MSANTD3: variants seen among roughly 807,000 people sequenced by gnomAD.
MSANTD3 encodes the protein myb/SANT-like DNA-binding domain-containing protein 3.
In MSANTD3, 11 loss-of-function variants were observed where a neutral mutation model predicts 27.7. The ratio of observed to expected loss-of-function variants is 0.40; its 90% CI spans 0.25 to 0.66. The LOEUF (loss-of-function observed/expected upper bound fraction) is 0.66, where lower values mean the gene tolerates loss of function less well. MSANTD3 is among the 30% of genes least tolerant of loss of function. MSANTD3 has a pLI of 0.41. For missense variants in MSANTD3, 250 were observed against 336.5 expected (o/e 0.74, Z 2.01); for synonymous variants, 131 against 127.2 (o/e 1.03, Z -0.20).
chr9:100,430,325 A>G (rs1487758601), intron 1 of MSANTD3, among the ~76,000 whole-genome samples: 1 of 73,046 alleles, frequency 1.4e-5, no homozygotes, highest in Non-Finnish European at 2.8e-5. Context: ...ACTCTGTGTC[A>G]AAAAAAAAAA....
At chr9:100,434,989 A>ACG (rs1242007029) in intron 1 of MSANTD3, among the ~76,000 whole-genome samples, 12 of 151,784 alleles carry the variant, frequency 7.9e-5, no homozygotes, top group African/African-American at 2.7e-4. Context: ...ACACACACAC[A>ACG]CGTGCGCACA....
At chr9:100,450,416 C>A in intron 2 of MSANTD3, 141 bp from the exon 3 acceptor site, 1 of 683,034 alleles carries the variant, frequency 1.5e-6, no homozygotes, top group East Asian at 3.0e-5. Flanking sequence ...GGCTAGGGTC[C>A]CTGTAGACAT....
chr9:100,445,887 T>C (rs1489830238), intron 2 of MSANTD3, among the ~76,000 whole-genome samples: 1 of 152,216 alleles, frequency 6.6e-6, no homozygotes, highest in Non-Finnish European at 1.5e-5. Flanking sequence ...AATTTAAGTA[T>C]AACACTTAGG....
intron 1 of MSANTD3, among the ~76,000 whole-genome samples, chr9:100,430,668 G>C (rs895281294): frequency 2.0e-5 from 3 of 152,236 alleles, no homozygotes; most frequent in African/African-American, 7.2e-5. Flanking sequence ...TCTGTCCACA[G>C]ACATGGGCAG....
chr9:100,450,590 A>T lies in MSANTD3; in HGVS notation c.452A>T (p.Asp151Val). ...SFAVSNRELC[D>V]DEKEFIHFPV... ...GCTGTTTCAAATAGAGAACTGTGCG[A>T]TGATGAGAAAGAGTTCATACATTTT... is the stretch of plus-strand genomic sequence containing the variant. Residue 151 changes from aspartate to valine, a missense_variant, in exon 3 of 3, where the codon GAT becomes GTT. This residue lies in a region of MSANTD3 where 235 missense variants were observed against 299.3 expected (regional missense o/e 0.79). Coordinates refer to ENST00000395067, the MANE Select transcript of MSANTD3 (RefSeq NM_080655.3). 17 of 1,590,668 alleles carry T rather than the reference A, an allele frequency of 1.1e-5. No individual in the cohort carries two copies. The highest frequency in any genetic ancestry group is 1.5e-5 in the Non-Finnish European group (17 of 1,171,744).
At chr9:100,449,319 G>T in intron 2 of MSANTD3, 1 of 915,112 alleles carries the variant, frequency 1.1e-6, no homozygotes, top group Non-Finnish European at 1.3e-6. Flanking sequence ...ATATTCAAGG[G>T]TTCAGCCAAT....
chr9:100,433,574 C>T (rs1836416533), intron 1 of MSANTD3, among the ~76,000 whole-genome samples: 1 of 152,064 alleles, frequency 6.6e-6, no homozygotes, highest in African/African-American at 2.4e-5. Context: ...TGGAGTTCTC[C>T]CATTGTTGCC....
At chr9:100,431,133 G>C (rs754804312) in intron 1 of MSANTD3, among the ~76,000 whole-genome samples, 24 of 151,762 alleles carry the variant, frequency 1.6e-4, no homozygotes, top group Admixed American at 5.9e-4. Context: ...CTCCTGAATA[G>C]CTGGGATTAC....
intron 1 of MSANTD3, among the ~76,000 whole-genome samples, chr9:100,438,007 C>CAAGA (rs1383234060): frequency 6.6e-6 from 1 of 152,156 alleles, no homozygotes; most frequent in African/African-American, 2.4e-5. Context: ...ACATGTAGGG[C>CAAGA]AAGAACCTTT....
At chr9:100,429,154 AGG>A (rs1172874004) in intron 1 of MSANTD3, among the ~76,000 whole-genome samples, 3 of 152,182 alleles carry the variant, frequency 2.0e-5, no homozygotes, top group Non-Finnish European at 2.9e-5. Context: ...GTCTGGGAGA[AGG>A]GTGGTTTATT....
chr9:100,432,886 A>G (rs371168800), intron 1 of MSANTD3, among the ~76,000 whole-genome samples: 3 of 152,218 alleles, frequency 2.0e-5, no homozygotes, highest in Non-Finnish European at 4.4e-5. Flanking sequence ...AACCATTTTA[A>G]TGGCAGTGCT....
At chr9:100,433,920 C>T (rs1408711754) in intron 1 of MSANTD3, among the ~76,000 whole-genome samples, 3 of 152,082 alleles carry the variant, frequency 2.0e-5, no homozygotes, top group Non-Finnish European at 4.4e-5. Context: ...TCAGTCTATT[C>T]AAGTAGGAGT....
intron 1 of MSANTD3, among the ~76,000 whole-genome samples, chr9:100,432,031 G>T (rs773958686): frequency 1.3e-5 from 2 of 152,154 alleles, no homozygotes; most frequent in Non-Finnish European, 2.9e-5. Context: ...AGGACTTTAA[G>T]AACTCTCATC....
At chr9:100,447,447 G>C (rs901457496) in intron 2 of MSANTD3, among the ~76,000 whole-genome samples, 6 of 151,918 alleles carry the variant, frequency 3.9e-5, no homozygotes, top group African/African-American at 1.5e-4. Context: ...TCATTTTTCT[G>C]CTCCCGGACA....
intron 1 of MSANTD3, among the ~76,000 whole-genome samples, chr9:100,439,514 T>A (rs1264128994): frequency 1.4e-4 from 22 of 151,894 alleles, no homozygotes; most frequent in African/African-American, 5.1e-4. Context: ...TTTTTTTTTT[T>A]TAATTTTTTT....
chr9:100,432,787 T>C lies in MSANTD3; in HGVS notation c.-34+5394T>C, dbSNP rs181667183. 1.9e-4 allele frequency among the ~76,000 whole-genome samples: 29 copies of C among 152,364 alleles called. No homozygotes were observed. In the East Asian group the frequency reaches 5.6e-3, roughly 29 times the overall value. Reference sequence around the variant, plus strand: ...ATTCTGCTGTAATGCTCTCTTTCATTGGCCAGTAGCTCCACCAGTCTCATA... The same window carrying C: ...ATTCTGCTGTAATGCTCTCTTTCATCGGCCAGTAGCTCCACCAGTCTCATA... On this transcript the variant is annotated intron_variant, in intron 1 of 2. Transcript: ENST00000395067.
At chr9:100,434,666 A>G (rs1212379816) in intron 1 of MSANTD3, among the ~76,000 whole-genome samples, 2 of 152,170 alleles carry the variant, frequency 1.3e-5, no homozygotes, top group African/African-American at 2.4e-5. Context: ...TATCCTATAC[A>G]TTCTTAAAGA....
intron 1 of MSANTD3, among the ~76,000 whole-genome samples, chr9:100,436,506 A>G (rs997474260): frequency 6.6e-6 from 1 of 152,206 alleles, no homozygotes; most frequent in African/African-American, 2.4e-5. Flanking sequence ...CAGCAGACAC[A>G]AGAGATAATG....
chr9:100,442,127 C>G lies in MSANTD3; in HGVS notation c.189C>G (p.Ser63=). ...AATACAACTCTCAGCCCAGCGTGTC[C>G]CTGCGGGATTTCAAACAGCTGAAGA... ...AHEYNSQPSV[S]LRDFKQLKKC... The change falls in exon 2 of 3, where the codon TCC becomes TCG. Residue 63 remains serine, a synonymous_variant. Coordinates refer to ENST00000395067, the MANE Select transcript of MSANTD3 (RefSeq NM_080655.3). 1 of 1,614,174 alleles carries G rather than the reference C, an allele frequency of 6.2e-7. No individual in the cohort carries two copies.
Sources: gnomAD v4.1 joint callset for allele counts (sites outside exome capture counted in the v4.1 genomes callset) on GRCh38, gnomAD v4.1.1 for gene constraint, gnomAD v4.1.1 regional missense constraint, MANE v1.5 for transcripts, NCBI Gene and HGNC (gene_info 2026-07-23, HGNC 2026-07-21) for gene names.